LTO1: variants seen among roughly 807,000 people sequenced by gnomAD.
The protein encoded by LTO1 is protein LTO1 homolog.
In LTO1, 18 loss-of-function variants were observed where a neutral mutation model predicts 19.8. The ratio of observed to expected loss-of-function variants is 0.91; its 90% CI spans 0.63 to 1.35. LTO1 has a LOEUF of 1.35. LTO1 is among the 40% of genes most tolerant of loss of function. The probability of loss-of-function intolerance (pLI) is 0.00; values close to 1 mark genes in which losing one functional copy is unlikely to be tolerated. For missense variants in LTO1, 175 were observed against 167.9 expected (o/e 1.04, Z -0.23); for synonymous variants, 59 against 59.6 (o/e 0.99, Z 0.05).
rs972065422 is a variant in LTO1, at chr11:69,668,191, T to C, written c.228-179A>G. ...ATATTTATTTACCTAGCAACGAGCT[T>C]AGGCCCATACCCAGTGCCTCGACAG... On this transcript the variant is annotated intron_variant, in intron 3 of 4. Coordinates refer to ENST00000279147, the MANE Select transcript of LTO1 (RefSeq NM_153451.3). 5 of 583,196 alleles carry C rather than the reference T, an allele frequency of 8.6e-6. No individual in the cohort carries two copies. The East Asian group carries it at 1.4e-4, about 17-fold the overall frequency. 36.1% of individuals were successfully genotyped at this position (583,196 alleles called of 1,614,324 possible).
rs567549197 is a variant in LTO1 at position 69,675,315 on chromosome 11, C to A, written c.-76G>T. 13 of 1,205,612 alleles carry A rather than the reference C, an allele frequency of 1.1e-5. No homozygotes were observed. The highest frequency in any genetic ancestry group is 3.3e-5 in the South Asian group (2 of 60,932). The allele number at this position is 1,205,612 out of a possible 1,614,324, so 74.7% of individuals were successfully genotyped here. A position where few individuals can be genotyped will look rare whatever the true frequency, so the allele number is the denominator to read the frequency against. ...CCGTAGCAGACCCGGCAGCTTCAGG[C>A]ACAAATGCTCCGCTTGGGAGGAGAC... On this transcript the variant is annotated 5_prime_UTR_variant, in exon 1 of 5. Transcript: ENST00000279147.
chr11:69,667,200 T>C lies in LTO1; in HGVS notation c.*319A>G. On this transcript the variant is annotated 3_prime_UTR_variant, in exon 5 of 5. Transcript: ENST00000279147. ...CTGCCTTCAGTCCAGGCCTGGTGAC[T>C]GACCCTATCCAGAGCCAACTCCAAC... 2.7e-6 allele frequency: 1 copy of C among 364,448 alleles called. No homozygotes were observed. Among genetic ancestry groups the C allele is most frequent in the Non-Finnish European group, 4.9e-6 (1 of 203,818 alleles). 22.6% of individuals were successfully genotyped at this position (364,448 alleles called of 1,614,324 possible).
In LTO1 at chr11:69,671,827, T is replaced by A. The variant is rs753924910; in HGVS notation, c.157-8A>T. Reference sequence around the variant, plus strand: ...ACCTTGGTAGCACCCGATCTGTGAATGTGAAAAATATTTAAGAGTGAAATT... The same window carrying A: ...ACCTTGGTAGCACCCGATCTGTGAAAGTGAAAAATATTTAAGAGTGAAATT... On this transcript the variant is annotated splice_polypyrimidine_tract_variant and splice_region_variant and intron_variant, in intron 2 of 4. Coordinates refer to ENST00000279147, the MANE Select transcript of LTO1 (RefSeq NM_153451.3). The A allele has an allele frequency of 4.5e-5, 69 of 1,544,182 alleles. 1 individual carries two copies. The South Asian group carries it at 7.0e-4, about 16-fold the overall frequency.
chr11:69,667,823 G>A (rs771141417), intron 4 of LTO1, 72 bp downstream of exon 4: 5 of 867,552 alleles, frequency 5.8e-6, no homozygotes, highest in Non-Finnish European at 7.9e-6. Flanking sequence ...AGCGGCCCCG[G>A]GAGTGCGCTG....
intron 1 of LTO1, among the ~76,000 whole-genome samples, chr11:69,673,687 T>TC (rs1856145205): frequency 1.5e-5 from 2 of 130,512 alleles, no homozygotes; most frequent in South Asian, 5.0e-4. Context: ...TTTTCTTTCT[T>TC]CCTTTTTTTT....
At chr11:69,668,981 T>C (rs1856071775) in intron 3 of LTO1, among the ~76,000 whole-genome samples, 1 of 149,042 alleles carries the variant, frequency 6.7e-6, no homozygotes, top group African/African-American at 2.5e-5. Context: ...TGAGCTAAGA[T>C]TGTGCCACTG....
chr11:69,673,363 G>A (rs1190345823), intron 1 of LTO1, 42 bp from the exon 2 acceptor site: 3 of 1,318,448 alleles, frequency 2.3e-6, no homozygotes, highest in Non-Finnish European at 2.2e-6. Flanking sequence ...ACAGGAGAAA[G>A]AATACTTTCT....
chr11:69,673,295 C>T lies in LTO1; in HGVS notation c.77G>A (p.Gly26Asp). 1 of 1,612,362 alleles carries T rather than the reference C, an allele frequency of 6.2e-7. No individual in the cohort carries two copies. Among genetic ancestry groups the T allele is most frequent in the Non-Finnish European group, 8.5e-7 (1 of 1,178,356 alleles). ...ERFHGEGYRE[G>D]YEEGSSLGVM... is the part of the protein sequence containing the mutation. ...ACCCAAACTACTGCCTTCTTCATAG[C>T]CTTCCCGATACCCTTCCCCATGAAA... Residue 26 changes from glycine (G) to aspartate (D), a missense_variant, in exon 2 of 5, where the codon GGC (glycine) becomes GAC (aspartate). Transcript: ENST00000279147.
chr11:69,669,506 C>T (rs1856078276), intron 3 of LTO1, among the ~76,000 whole-genome samples: 1 of 152,174 alleles, frequency 6.6e-6, no homozygotes, highest in Non-Finnish European at 1.5e-5. Flanking sequence ...AGCAACAAAG[C>T]ACCTGGTTTC....
intron 1 of LTO1, among the ~76,000 whole-genome samples, chr11:69,674,142 C>A (rs1322928659): frequency 6.6e-6 from 1 of 152,138 alleles, no homozygotes; most frequent in Admixed American, 6.5e-5. Context: ...CGTCAGCCAC[C>A]GCATCTGGCC....
In LTO1 at chr11:69,675,305, C is replaced by CA; in HGVS notation, c.-67dup. 1 of 1,263,886 alleles carries CA rather than the reference C, an allele frequency of 7.9e-7. No homozygotes were observed. Among genetic ancestry groups the CA allele is most frequent in the Non-Finnish European group, 1.1e-6 (1 of 935,094 alleles). The allele number at this position is 1,263,886 out of a possible 1,614,324, so 78.3% of individuals were successfully genotyped here. ...CCCCGCGGTGCCGTAGCAGACCCGG[C>CA]AGCTTCAGGCACAAATGCTCCGCTT... On this transcript the variant is annotated 5_prime_UTR_variant, in exon 1 of 5. Coordinates refer to ENST00000279147, the MANE Select transcript of LTO1 (RefSeq NM_153451.3).
chr11:69,666,191 G>C lies in LTO1; in HGVS notation c.*1328C>G, dbSNP rs1202652339. ...CAAAACAAAAACAAAGCGAGCCACC[G>C]TGGAGATCCACCTGCCGCTGCTCCC... On this transcript the variant is annotated 3_prime_UTR_variant, in exon 5 of 5. Coordinates refer to ENST00000279147, the MANE Select transcript of LTO1 (RefSeq NM_153451.3). 4 of 152,242 alleles carry C rather than the reference G, an allele frequency of 2.6e-5. No individual in the cohort carries two copies. Among genetic ancestry groups the C allele is most frequent in the African/African-American group, 9.7e-5 (4 of 41,430 alleles). The allele number at this position is 152,242 out of a possible 1,614,324, so 9.4% of individuals were successfully genotyped here.
intron 3 of LTO1, 154 bp from the exon 4 acceptor site, chr11:69,668,166 A>G: frequency 1.6e-6 from 1 of 632,086 alleles, no homozygotes; most frequent in Non-Finnish European, 2.9e-6. Flanking sequence ...ACACGAAATC[A>G]TATTTATTTA....
chr11:69,675,151 C>T (rs1476855025), intron 1 of LTO1, 39 bp downstream of exon 1: 2 of 1,582,448 alleles, frequency 1.3e-6, no homozygotes, highest in Non-Finnish European at 1.7e-6. Context: ...TGGGAGACGA[C>T]CAGACAGGGC....
In LTO1 at chr11:69,673,291, A is replaced by G. The variant is rs1434634897; in HGVS notation, c.81T>C (p.Tyr27=). The G allele has an allele frequency of 1.9e-6, 3 of 1,613,066 alleles. No homozygotes were observed. The highest frequency in any genetic ancestry group is 2.2e-5 in the East Asian group (1 of 44,886). The change falls in exon 2 of 5, where the codon TAT becomes TAC. Residue 27 remains tyrosine (Y), a synonymous_variant. Transcript: ENST00000279147. ...RFHGEGYREG[Y]EEGSSLGVME... is the part of the protein sequence containing the mutation. ...TCACACCCAAACTACTGCCTTCTTC[A>G]TAGCCTTCCCGATACCCTTCCCCAT...
At chr11:69,668,680 T>TC (rs1856067254) in intron 3 of LTO1, among the ~76,000 whole-genome samples, 2 of 151,070 alleles carry the variant, frequency 1.3e-5, no homozygotes, top group African/African-American at 4.8e-5. Context: ...GTTTTGTTTT[T>TC]TTTTTTTTAA....
chr11:69,669,661 G>A (rs997516407), intron 3 of LTO1, among the ~76,000 whole-genome samples: 2 of 152,204 alleles, frequency 1.3e-5, no homozygotes, highest in Admixed American at 1.3e-4. Flanking sequence ...CGCACCATCA[G>A]AGGCGGCACA....
intron 3 of LTO1, among the ~76,000 whole-genome samples, chr11:69,669,248 C>T (rs977289515): frequency 3.3e-5 from 5 of 151,974 alleles, no homozygotes; most frequent in Admixed American, 6.6e-5. Flanking sequence ...GCCTCTATGC[C>T]GCATTGGACC....
In LTO1 at chr11:69,665,829, T is replaced by C. The variant is rs1242759735; in HGVS notation, c.*1690A>G. The C allele has an allele frequency of 6.6e-6, 1 of 152,060 alleles. No individual in the cohort carries two copies. The highest frequency in any genetic ancestry group is 1.5e-5 in the Non-Finnish European group (1 of 68,040). 9.4% of individuals were successfully genotyped at this position (152,060 alleles called of 1,614,324 possible). ...ACAGCCACACACGCAGGTTTAGAGTTCGGGAGGAGGAGACCTAAGTCCTGT... is the reference window on the plus strand; with the variant it reads ...ACAGCCACACACGCAGGTTTAGAGTCCGGGAGGAGGAGACCTAAGTCCTGT... On this transcript the variant is annotated 3_prime_UTR_variant, in exon 5 of 5. Transcript: ENST00000279147.
Sources: allele counts gnomAD v4.1 joint callset (sites outside exome capture counted in the v4.1 genomes callset), GRCh38; gene constraint gnomAD v4.1.1; transcripts MANE v1.5; gene names NCBI Gene and HGNC (gene_info 2026-07-23, HGNC 2026-07-21).